The following STK39 variants were observed in gnomAD, a reference collection of about 807,000 sequenced individuals.
The protein encoded by STK39 is STE20/SPS1-related proline-alanine-rich protein kinase.
In STK39, 20 loss-of-function variants were observed where a neutral mutation model predicts 77.8. The ratio of observed to expected loss-of-function variants is 0.26; its 90% CI spans 0.18 to 0.37. The LOEUF is 0.37. Ranked by LOEUF, STK39 falls within the 10% of genes least tolerant of loss-of-function variation. The pLI is 1.00. For missense variants in STK39, 479 were observed against 656.5 expected, an observed-to-expected ratio of 0.73 and a Z score of 2.95; for synonymous variants, 246 against 234.1, an observed-to-expected ratio of 1.05 and a Z score of -0.47.
intron 14 of STK39, among the ~76,000 whole-genome samples, chr2:168,018,467 T>C (rs976740179): frequency 2.7e-5 from 4 of 148,394 alleles, no homozygotes; most frequent in East Asian, 2.0e-4. Flanking sequence ...CATTACAGCT[T>C]GGGTGGCAGA....
chr2:167,968,831 G>A (rs1231649218), intron 16 of STK39, among the ~76,000 whole-genome samples: 1 of 152,174 alleles, frequency 6.6e-6, no homozygotes, highest in Non-Finnish European at 1.5e-5. Context: ...ATTTTAATTA[G>A]ATTTCTTTGA....
chr2:168,088,241 A>T (rs1007509081), intron 10 of STK39, among the ~76,000 whole-genome samples: 5 of 152,226 alleles, frequency 3.3e-5, no homozygotes, highest in Non-Finnish European at 7.3e-5. Flanking sequence ...TGTCACTACC[A>T]AGGGGGTTCC....
intron 14 of STK39, among the ~76,000 whole-genome samples, chr2:168,056,612 G>A (rs1437201060): frequency 2.0e-5 from 3 of 152,140 alleles, no homozygotes; most frequent in African/African-American, 7.2e-5. Flanking sequence ...CGGCAGCCAC[G>A]CATCACATTG....
chr2:168,138,038 T>C, intron 8 of STK39, 50 bp downstream of exon 8: 1 of 1,577,788 alleles, frequency 6.3e-7, no homozygotes, highest in Non-Finnish European at 8.6e-7. Flanking sequence ...AAACAAAGCT[T>C]TGTCATGGCT....
At chr2:168,115,208 T>A (rs1687227474) in intron 10 of STK39, among the ~76,000 whole-genome samples, 1 of 152,282 alleles carries the variant, frequency 6.6e-6, no homozygotes, top group Non-Finnish European at 1.5e-5. Context: ...ATAAAGTAAA[T>A]GTTCATGGAT....
chr2:168,055,368 C>T (rs891411000), intron 14 of STK39, among the ~76,000 whole-genome samples: 27 of 152,168 alleles, frequency 1.8e-4, no homozygotes, highest in African/African-American at 6.3e-4. Flanking sequence ...CTATTCTTTA[C>T]AAATAGCTAA....
chr2:168,010,697 G>A (rs1684248624), intron 16 of STK39, among the ~76,000 whole-genome samples: 3 of 152,088 alleles, frequency 2.0e-5, no homozygotes, highest in Admixed American at 2.0e-4. Context: ...TGTATAATCA[G>A]TAGGAAAAAA....
intron 1 of STK39, among the ~76,000 whole-genome samples, chr2:168,236,589 A>G (rs1412233416): frequency 4.6e-5 from 7 of 152,208 alleles, no homozygotes; most frequent in African/African-American, 1.7e-4. Context: ...TTTTAGGTCT[A>G]ACATGTAAGT....
Position 168,190,503 on chromosome 2 carries a change from C to T in STK39, c.209-8413G>A, listed in dbSNP as rs139266923. ...AGAGCTCATTCTGAAGAGCAATGTTCCATCCGAATTTCAATTTTTAAAAAC... is the reference window on the plus strand; with the variant it reads ...AGAGCTCATTCTGAAGAGCAATGTTTCATCCGAATTTCAATTTTTAAAAAC... On this transcript the variant is annotated intron_variant, in intron 1 of 17. Coordinates refer to ENST00000355999, the MANE Select transcript of STK39 (RefSeq NM_013233.3). 3.5e-3 allele frequency among the ~76,000 whole-genome samples: 534 copies of T among 152,268 alleles called. 5 individuals are homozygous for T. Among genetic ancestry groups the T allele is most frequent in the South Asian group, 8.3e-3 (40 of 4,828 alleles).
intron 12 of STK39, among the ~76,000 whole-genome samples, chr2:168,068,425 G>A (rs1157107181): frequency 6.6e-6 from 1 of 152,158 alleles, no homozygotes; most frequent in African/African-American, 2.4e-5. Flanking sequence ...ATCCTGGATT[G>A]GATCCTGGCA....
At chr2:168,217,099 C>T (rs1262404978) in intron 1 of STK39, among the ~76,000 whole-genome samples, 1 of 152,156 alleles carries the variant, frequency 6.6e-6, no homozygotes, top group Non-Finnish European at 1.5e-5. Context: ...ACTCACAACA[C>T]GAAAATCAGT....
chr2:168,074,726 A>G (rs1301093857), intron 12 of STK39, among the ~76,000 whole-genome samples: 1 of 152,216 alleles, frequency 6.6e-6, no homozygotes, highest in Non-Finnish European at 1.5e-5. Context: ...GCCAACCCTC[A>G]TGGCGACTTT....
rs1262751527 is a variant in STK39 at position 168,040,629 on chromosome 2, AT to A, written c.1376+22870del. On this transcript the variant is annotated intron_variant, in intron 14 of 17. Transcript: ENST00000355999. The stretch of plus-strand genomic sequence containing the variant: ...TTTTATCCAGATTTCTTCACCTAGA[AT>A]TTTAAGTGAAATATAGACTTTAATT... Among the ~76,000 whole-genome samples the A allele has an allele frequency of 5.3e-5, 8 of 152,330 alleles. No individual in the cohort carries two copies. The East Asian group carries it at 1.5e-3, about 29-fold the overall frequency.
chr2:167,960,432 T>C (rs893849834), intron 17 of STK39, among the ~76,000 whole-genome samples: 3 of 138,146 alleles, frequency 2.2e-5, no homozygotes, highest in Non-Finnish European at 3.1e-5. Flanking sequence ...TAAATAAATA[T>C]GTATGCTTTT....
rs1406606434 is a variant in STK39 at position 167,954,913 on chromosome 2, T to A, written c.*583A>T. On this transcript the variant is annotated 3_prime_UTR_variant, in exon 18 of 18. Coordinates refer to ENST00000355999, the MANE Select transcript of STK39 (RefSeq NM_013233.3). ...CATATAATCAAAACCCTTTTTTTCT[T>A]ATAGCTAAGGTGTGTAATGCATAAA... is the stretch of plus-strand genomic sequence containing the variant. 15 of 152,640 alleles carry A rather than the reference T, an allele frequency of 9.8e-5. No homozygotes were observed. Among genetic ancestry groups the A allele is most frequent in the Admixed American group, 9.8e-4 (15 of 15,284 alleles). 9.5% of individuals were successfully genotyped at this position (152,640 alleles called of 1,614,324 possible). A position where few individuals can be genotyped will look rare whatever the true frequency, so the allele number is the denominator to read the frequency against.
rs1186069176 is a variant in STK39, at chr2:168,247,239, T to C, written c.197A>G (p.Gln66Arg). The C allele has an allele frequency of 1.7e-6, 2 of 1,167,128 alleles. No individual in the cohort carries two copies. The highest frequency in any genetic ancestry group is 2.1e-6 in the Non-Finnish European group (2 of 944,260). 72.3% of individuals were successfully genotyped at this position (1,167,128 alleles called of 1,614,324 possible). A position where few individuals can be genotyped will look rare whatever the true frequency, so the allele number is the denominator to read the frequency against. ...CCCGCCGCACTGACCGATAACCTCC[T>C]GCAGCTCGTACGCGTCCCTGCAGAT... ...WPICRDAYEL[Q>R]EVIGSGATAV... Residue 66 changes from glutamine to arginine, a missense_variant, in exon 1 of 18, where the codon CAG (glutamine) becomes CGG (arginine). Physicochemically the swap from Gln to Arg is conservative, Grantham distance 43. This residue lies in a region of STK39 where 139 missense variants were observed against 280.6 expected (regional missense o/e 0.50). Transcript: ENST00000355999.
At chr2:168,244,470 T>TG (rs1690848655) in intron 1 of STK39, among the ~76,000 whole-genome samples, 1 of 152,212 alleles carries the variant, frequency 6.6e-6, no homozygotes, top group South Asian at 2.1e-4. Flanking sequence ...CGGTTCACAC[T>TG]GCTGGAGTCA....
intron 16 of STK39, among the ~76,000 whole-genome samples, chr2:167,971,729 C>T (rs1692350438): frequency 6.6e-6 from 1 of 152,176 alleles, no homozygotes; most frequent in African/African-American, 2.4e-5. Flanking sequence ...TATCCCAATA[C>T]AAAGGAAAAA....
intron 14 of STK39, among the ~76,000 whole-genome samples, chr2:168,056,203 TC>T (rs1357543522): frequency 2.0e-5 from 3 of 152,080 alleles, no homozygotes; most frequent in Admixed American, 2.0e-4. Flanking sequence ...GCCTATGATC[TC>T]CAGGAATAAA....
Sources: gnomAD v4.1 joint callset for allele counts (sites outside exome capture counted in the v4.1 genomes callset) on GRCh38, gnomAD v4.1.1 for gene constraint, gnomAD v4.1.1 regional missense constraint, MANE v1.5 for transcripts, NCBI Gene and HGNC (gene_info 2026-07-23, HGNC 2026-07-21) for gene names.